Variants in AFDN observed in about 807,000 individuals in gnomAD.
AFDN encodes the protein afadin.
Under a neutral mutation model 216.6 loss-of-function variants are expected in AFDN, and 68 were observed. The ratio of observed to expected loss-of-function variants is 0.31; its 90% CI spans 0.26 to 0.38. The LOEUF is 0.38. Ranked by LOEUF, AFDN falls within the 10% of genes least tolerant of loss-of-function variation. AFDN has a pLI of 1.00. For synonymous variants in AFDN, 868 were observed against 853.7 expected (o/e 1.02, Z -0.29); for missense variants, 2,136 against 2,342.0 (o/e 0.91, Z 1.82).
chr6:167,950,719 G>A (rs1054116689), intron 29 of AFDN, among the ~76,000 whole-genome samples: 9 of 152,170 alleles, frequency 5.9e-5, no homozygotes, highest in Admixed American at 2.6e-4. Flanking sequence ...CACACTCATT[G>A]CTTTGAAGTC....
intron 1 of AFDN, among the ~76,000 whole-genome samples, chr6:167,829,437 G>T (rs774513153): frequency 3.3e-5 from 5 of 151,802 alleles, no homozygotes; most frequent in African/African-American, 4.8e-5. Flanking sequence ...GTCTAAGCTC[G>T]TGTGAATTTT....
At chr6:167,954,822 A>AT (rs1796335315) in intron 30 of AFDN, among the ~76,000 whole-genome samples, 1 of 152,214 alleles carries the variant, frequency 6.6e-6, no homozygotes, top group Non-Finnish European at 1.5e-5. Flanking sequence ...AATCTATTTC[A>AT]TTTTTTTCAC....
chr6:167,943,961 G>A lies in AFDN; in HGVS notation c.3260G>A (p.Arg1087Lys). 6.2e-7 allele frequency: 1 copy of A among 1,614,158 alleles called. No homozygotes were observed. The highest frequency in any genetic ancestry group is 8.5e-7 in the Non-Finnish European group (1 of 1,180,004). The change falls in exon 26 of 34, where the codon AGA (arginine) becomes AAA (lysine). Residue 1087 changes from arginine to lysine, a missense_variant. Arg to Lys is a conservative substitution (Grantham distance 26, BLOSUM62 2). Coordinates refer to ENST00000683244, the MANE Select transcript of AFDN (RefSeq NM_001386888.1). ...CCTAGGGCGGCAGAACTCATGACAAGAACAAGCTCTGTGGTGACACTGGAA... is the reference window on the plus strand; with the variant it reads ...CCTAGGGCGGCAGAACTCATGACAAAAACAAGCTCTGTGGTGACACTGGAA... ...SQERAAELMT[R>K]TSSVVTLEVA...
chr6:167,881,991 T>C (rs1050243565), intron 6 of AFDN, among the ~76,000 whole-genome samples: 2 of 152,182 alleles, frequency 1.3e-5, no homozygotes, highest in South Asian at 4.1e-4. Flanking sequence ...TGCTGTCAAA[T>C]GTTGATAGCC....
chr6:167,912,360 A>G (rs568237072), intron 15 of AFDN, among the ~76,000 whole-genome samples: 26 of 152,354 alleles, frequency 1.7e-4, no homozygotes, highest in South Asian at 2.1e-4. Flanking sequence ...TATAATGTTA[A>G]TAACATAGAT....
intron 1 of AFDN, among the ~76,000 whole-genome samples, chr6:167,839,867 C>T (rs1178387300): frequency 6.6e-6 from 1 of 152,150 alleles, no homozygotes; most frequent in Non-Finnish European, 1.5e-5. Context: ...AGACTGGAGT[C>T]TCTAGATGAG....
chr6:167,882,485 CA>C (rs143438459), intron 6 of AFDN, among the ~76,000 whole-genome samples: 44,388 of 142,258 alleles, frequency 0.31, 7,297 homozygotes, highest in East Asian at 0.61. Context: ...ACTAAAACTA[CA>C]AAAAAAAAAA....
Position 167,838,563 on chromosome 6 carries a change from T to C in AFDN, c.105+11326T>C, listed in dbSNP as rs568099759. Among the ~76,000 whole-genome samples the C allele has an allele frequency of 1.1e-4, 16 of 152,346 alleles. No homozygotes were observed. The South Asian group carries it at 3.3e-3, about 32-fold the overall frequency. On this transcript the variant is annotated intron_variant, in intron 1 of 33. Transcript: ENST00000683244. Reference sequence around the variant, plus strand: ...CTAGCAATTTTTCCCCAGATAACATTTGAATTTTAACAATCTTCGAGAGGT... The same window carrying C: ...CTAGCAATTTTTCCCCAGATAACATCTGAATTTTAACAATCTTCGAGAGGT...
At chr6:167,843,404 A>G (rs948097304) in intron 1 of AFDN, among the ~76,000 whole-genome samples, 26 of 152,348 alleles carry the variant, frequency 1.7e-4, no homozygotes, top group African/African-American at 3.6e-4. Context: ...TAAGAGAGCT[A>G]TTTTATTGCT....
intron 1 of AFDN, among the ~76,000 whole-genome samples, chr6:167,854,831 C>T (rs1485748777): frequency 6.6e-6 from 1 of 150,490 alleles, no homozygotes; most frequent in Non-Finnish European, 1.5e-5. Flanking sequence ...TCCTGGATTG[C>T]TCTGGATTTC....
chr6:167,962,930 T>A lies in AFDN; in HGVS notation c.4968+363T>A. 2.6e-6 allele frequency: 3 copies of A among 1,138,008 alleles called. No individual in the cohort carries two copies. The highest frequency in any genetic ancestry group is 3.3e-6 in the Non-Finnish European group (3 of 921,444). 70.5% of individuals were successfully genotyped at this position (1,138,008 alleles called of 1,614,324 possible). On this transcript the variant is annotated intron_variant, in intron 31 of 33. Transcript: ENST00000683244. The surrounding 1 kb of genome is among the most constrained non-coding windows in gnomAD (Gnocchi z 5.2). Reference sequence around the variant, plus strand: ...GACATTGGTTCAGTGATTGCTTAAATGGCATGTGGACCGTGGGAAGCAGTA... The same window carrying A: ...GACATTGGTTCAGTGATTGCTTAAAAGGCATGTGGACCGTGGGAAGCAGTA...
chr6:167,888,171 A>G (rs1271719180), intron 6 of AFDN, among the ~76,000 whole-genome samples: 1 of 152,220 alleles, frequency 6.6e-6, no homozygotes, highest in African/African-American at 2.4e-5. Context: ...CTAAGCCAAG[A>G]TACTGAATGT....
intron 30 of AFDN, chr6:167,952,487 C>T: frequency 2.0e-6 from 2 of 985,362 alleles, no homozygotes; most frequent in Non-Finnish European, 2.4e-6. Context: ...GTTGAGAAAA[C>T]AAGTATTTGT....
In AFDN at chr6:167,918,918, C is replaced by A. The variant is rs1442997488; in HGVS notation, c.2893C>A (p.Pro965Thr). 1 of 1,613,616 alleles carries A rather than the reference C, an allele frequency of 6.2e-7. No homozygotes were observed. The highest frequency in any genetic ancestry group is 8.5e-7 in the Non-Finnish European group (1 of 1,179,744). The change falls in exon 21 of 34, where the codon CCT becomes ACT. Residue 965 changes from proline (P) to threonine (T), a missense_variant. Coordinates refer to ENST00000683244, the MANE Select transcript of AFDN (RefSeq NM_001386888.1). ...IPNGLQEFLDPLCQRGFCRLI... is the reference protein window; with the variant it reads ...IPNGLQEFLDTLCQRGFCRLI... ...AAATGGTTTACAAGAATTTTTAGAC[C>A]CTCTGTGCCAGAGAGGTAAATTAGT...
chr6:167,915,280 G>C lies in AFDN; in HGVS notation c.2412G>C (p.Trp804Cys). 1 of 1,614,260 alleles carries C rather than the reference G, an allele frequency of 6.2e-7. No individual in the cohort carries two copies. The highest frequency in any genetic ancestry group is 8.5e-7 in the Non-Finnish European group (1 of 1,180,048). The change falls in exon 19 of 34, where the codon TGG becomes TGC. Residue 804 changes from tryptophan to cysteine, a missense_variant. Around this residue, in one of 8 missense-constraint regions of AFDN, gnomAD observed 817 missense variants for 965.7 expected, o/e 0.85. Coordinates refer to ENST00000683244, the MANE Select transcript of AFDN (RefSeq NM_001386888.1). ...FSQLFHFINMWLFNRLVTDPD... is the reference protein window; with the variant it reads ...FSQLFHFINMCLFNRLVTDPD... ...AGCTCTTCCACTTCATCAATATGTG[G>C]CTGTTCAATAGATTGGTGACCGACC...
At chr6:167,923,347 G>A (rs938628484) in intron 22 of AFDN, 11 of 153,756 alleles carry the variant, frequency 7.2e-5, no homozygotes, top group African/African-American at 2.4e-4. Context: ...AAGCCATTTA[G>A]TAATATTTTA....
intron 1 of AFDN, among the ~76,000 whole-genome samples, chr6:167,856,958 A>G (rs1782967142): frequency 6.6e-6 from 1 of 152,162 alleles, no homozygotes; most frequent in Non-Finnish European, 1.5e-5. Context: ...ATATTTATAT[A>G]TCTTAATGGA....
At chr6:167,898,617 G>A in intron 11 of AFDN, 150 bp downstream of exon 11, 2 of 934,760 alleles carry the variant, frequency 2.1e-6, no homozygotes, top group Non-Finnish European at 3.1e-6. Context: ...TTGTTAACTT[G>A]GGTTGGTTTT....
At chr6:167,938,668 A>G (rs914711526) in intron 23 of AFDN, among the ~76,000 whole-genome samples, 2 of 152,160 alleles carry the variant, frequency 1.3e-5, no homozygotes, top group African/African-American at 4.8e-5. Context: ...TTTAAATGCC[A>G]TGTGCTGTTC....
Sources: gnomAD v4.1 joint callset for allele counts (sites outside exome capture counted in the v4.1 genomes callset) on GRCh38, gnomAD v4.1.1 for gene constraint, gnomAD v4.1.1 regional missense constraint, Gnocchi (gnomAD v3.1) non-coding constraint, MANE v1.5 for transcripts, NCBI Gene and HGNC (gene_info 2026-07-23, HGNC 2026-07-21) for gene names.